SYCE1: variants seen among roughly 807,000 people sequenced by gnomAD.
SYCE1 encodes the protein cancer/testis antigen 76.
SYCE1 carries 37 observed loss-of-function variants against 55.1 expected under a neutral mutation model. The ratio of observed to expected loss-of-function variants is 0.67; its 90% CI spans 0.52 to 0.88. The LOEUF (loss-of-function observed/expected upper bound fraction) is 0.88, where lower values mean the gene tolerates loss of function less well. Among genes scored for constraint, SYCE1 ranks in the 40% least tolerant of loss-of-function variants. The pLI is 0.00. For missense variants in SYCE1, 399 were observed against 416.4 expected, an observed-to-expected ratio of 0.96 and a Z score of 0.36; for synonymous variants, 163 against 159.4, an observed-to-expected ratio of 1.02 and a Z score of -0.17.
chr10:133,556,219 CT>C, intron 8 of SYCE1, 172 bp from the exon 9 acceptor site: 1 of 679,224 alleles, frequency 1.5e-6, no homozygotes, highest in African/African-American at 1.8e-5. Context: ...TGGCCATTCC[CT>C]CCCTGTGCAC....
chr10:133,558,839 C>T (rs762583227), intron 4 of SYCE1, 38 bp downstream of exon 4: 113 of 1,605,192 alleles, frequency 7.0e-5, no homozygotes, highest in Non-Finnish European at 9.2e-5. Context: ...AGGCTTAAGA[C>T]ACTGTGGGGA....
chr10:133,554,492 C>A (rs1851603362), downstream of SYCE1, among the ~76,000 whole-genome samples: 1 of 152,284 alleles, frequency 6.6e-6, no homozygotes, highest in Non-Finnish European at 1.5e-5. Flanking sequence ...TGACTCCCTG[C>A]AAGCTGAGGA....
At chr10:133,556,240 C>T (rs1851679413) in intron 8 of SYCE1, 193 bp from the exon 9 acceptor site, 7 of 627,738 alleles carry the variant, frequency 1.1e-5, no homozygotes, top group Admixed American at 8.7e-5. Flanking sequence ...CTTCTGTCAT[C>T]CCACATCTCT....
intron 8 of SYCE1, chr10:133,556,513 G>A (rs1469176758): frequency 3.5e-6 from 2 of 571,912 alleles, no homozygotes; most frequent in East Asian, 3.0e-5. Context: ...TGCCCGTGAT[G>A]GTCCCAGACA....
At chr10:133,567,045 G>T (rs1388857461), upstream of SYCE1, among the ~76,000 whole-genome samples, 1 of 151,778 alleles carries the variant, frequency 6.6e-6, no homozygotes, top group Non-Finnish European at 1.5e-5. Flanking sequence ...GGTAGGCATA[G>T]GTTCGAGTTT....
intron 4 of SYCE1, 126 bp from the exon 5 acceptor site, chr10:133,558,340 GTGA>G: frequency 5.8e-6 from 6 of 1,042,394 alleles, no homozygotes; most frequent in Non-Finnish European, 9.0e-6. Flanking sequence ...AACCCTTGAG[GTGA>G]GCCCCTCCCT....
At chr10:133,568,097 G>A (rs1416381847), upstream of SYCE1, 1 of 716,382 alleles carries the variant, frequency 1.4e-6, no homozygotes, top group Non-Finnish European at 2.5e-6. Context: ...CCAGGCCTAG[G>A]GCCGCAGCAG....
intron 7 of SYCE1, 79 bp downstream of exon 7, chr10:133,556,988 G>A: frequency 6.6e-7 from 1 of 1,518,776 alleles, no homozygotes; most frequent in Non-Finnish European, 9.1e-7. Flanking sequence ...AGTGTAGCCA[G>A]CTTTTCTAAC....
At chr10:133,557,364 A>C (rs1485150537) in intron 6 of SYCE1, 1 of 584,150 alleles carries the variant, frequency 1.7e-6, no homozygotes, top group African/African-American at 1.9e-5. Flanking sequence ...GGACATGGTT[A>C]AGTGAGCAAA....
At chr10:133,564,350 C>T (rs1180469607) in intron 1 of SYCE1, 1 of 977,920 alleles carries the variant, frequency 1.0e-6, no homozygotes. Context: ...TAAGGCATTT[C>T]TGTTGTAGCA....
chr10:133,568,172 C>A, upstream of SYCE1: 2 of 982,040 alleles, frequency 2.0e-6, no homozygotes, highest in Non-Finnish European at 3.1e-6. Context: ...GGGTCCAGCG[C>A]CCGAAGTCCA....
At chr10:133,567,932 G>T (rs1480121594), upstream of SYCE1, 4 of 547,726 alleles carry the variant, frequency 7.3e-6, no homozygotes, top group Non-Finnish European at 1.4e-5. Context: ...AGGCAGCATG[G>T]GCAGGACGGT....
chr10:133,555,187 C>A, intron 12 of SYCE1, 58 bp from the exon 13 acceptor site: 1 of 1,526,360 alleles, frequency 6.6e-7, no homozygotes, highest in South Asian at 1.3e-5. Flanking sequence ...GCCACATGGT[C>A]CCCTCCTGCC....
downstream of SYCE1, chr10:133,554,743 C>T (rs1851609186): frequency 2.4e-6 from 3 of 1,250,254 alleles, no homozygotes; most frequent in South Asian, 3.8e-5. Context: ...CAGGTGGGTT[C>T]CAGACCTCCT....
chr10:133,558,825 G>A (rs879885536), intron 4 of SYCE1, 52 bp downstream of exon 4: 1 of 1,573,812 alleles, frequency 6.4e-7, no homozygotes, highest in Non-Finnish European at 8.7e-7. Flanking sequence ...TACAGGGTTA[G>A]GGGAGGCTTA....
chr10:133,555,589 A>G lies in SYCE1; in HGVS notation c.830+8T>C, dbSNP rs376421879. 5.6e-6 allele frequency: 9 copies of G among 1,603,372 alleles called. No individual in the cohort carries two copies. In the African/African-American group the frequency reaches 1.2e-4, roughly 21 times the overall value. ...TGGGGGTTGCGGGGACAGGGCCTCC[A>G]CACGCACCTCTGCCGCTTCTGCTGC... On this transcript the variant is annotated splice_region_variant and intron_variant, in intron 11 of 12. Coordinates refer to ENST00000343131, the MANE Select transcript of SYCE1 (RefSeq NM_001143764.3).
At chr10:133,559,696 G>A in intron 2 of SYCE1, 3 of 418,126 alleles carry the variant, frequency 7.2e-6, no homozygotes, top group Non-Finnish European at 4.4e-6. Context: ...AGCAATTTGG[G>A]TGGGGTTGGG....
At position 133,556,127 on chromosome 10, in the gene SYCE1, ATACT is replaced by A. The variant is rs1334525534; in HGVS notation, c.529-84_529-81del. 7.7e-5 allele frequency: 118 copies of A among 1,532,816 alleles called. 2 individuals carry two copies. In the East Asian group the frequency reaches 2.6e-3, roughly 34 times the overall value. The allele number at this position is 1,532,816 out of a possible 1,614,324, so 95.0% of individuals were successfully genotyped here. A position where few individuals can be genotyped will look rare whatever the true frequency, so the allele number is the denominator to read the frequency against. On this transcript the variant is annotated intron_variant, in intron 8 of 12. Coordinates refer to ENST00000343131, the MANE Select transcript of SYCE1 (RefSeq NM_001143764.3). ...AAGAAGGCTATCTGGATCTTGTTTCATACTTACTCACTATGCCTCACTTCCAACA... is the reference window on the plus strand; with the variant it reads ...AAGAAGGCTATCTGGATCTTGTTTCATACTCACTATGCCTCACTTCCAACA...
chr10:133,556,833 A>G lies in SYCE1; in HGVS notation c.465-11T>C, dbSNP rs1447615094. 2 of 1,595,540 alleles carry G rather than the reference A, an allele frequency of 1.3e-6. No individual in the cohort carries two copies. The highest frequency in any genetic ancestry group is 1.1e-5 in the South Asian group (1 of 88,754). On this transcript the variant is annotated splice_polypyrimidine_tract_variant and intron_variant, in intron 7 of 12. Coordinates refer to ENST00000343131, the MANE Select transcript of SYCE1 (RefSeq NM_001143764.3). ...TCCTCGAATGCCAACCTGGGAACCA[A>G]CCACAGGCATGAGGGGATATGGGCT... is the stretch of plus-strand genomic sequence containing the variant.
Sources: allele counts gnomAD v4.1 joint callset (sites outside exome capture counted in the v4.1 genomes callset), GRCh38; gene constraint gnomAD v4.1.1; transcripts MANE v1.5; gene names NCBI Gene and HGNC (gene_info 2026-07-23, HGNC 2026-07-21).